IDUA: variants seen among roughly 807,000 people sequenced by gnomAD.
IDUA encodes iduronidase alpha-L-.
Under a neutral mutation model 68.9 loss-of-function variants are expected in IDUA, and 65 were observed. The observed-to-expected ratio is 0.94, with a 90% CI of 0.77 to 1.16. The LOEUF (loss-of-function observed/expected upper bound fraction) is 1.16. IDUA is among the 50% of genes most tolerant of loss of function. The pLI is 0.00. For synonymous variants in IDUA, 529 were observed against 433.6 expected (o/e 1.22, Z -2.73); for missense variants, 1,046 against 938.0 (o/e 1.12, Z -1.50).
At chr4:992,286 C>T in intron 2 of IDUA, 1 of 439,090 alleles carries the variant, frequency 2.3e-6, no homozygotes, top group South Asian at 1.6e-5. Context: ...CTCCCTCCCC[C>T]ATCCAAACCA....
At chr4:988,950 G>C (rs746171950) in intron 2 of IDUA, 1 of 1,596,262 alleles carries the variant, frequency 6.3e-7, no homozygotes, top group Non-Finnish European at 8.5e-7. Flanking sequence ...GGCCCTCCCC[G>C]AGGAAGCCTC....
At chr4:990,480 T>TG in intron 2 of IDUA, 1 of 1,010,096 alleles carries the variant, frequency 9.9e-7, no homozygotes, top group East Asian at 2.6e-5. Context: ...AATTCTGTGT[T>TG]GCGGCCCCGT....
In IDUA at chr4:1,002,484, G is replaced by T. The variant is rs747406598; in HGVS notation, c.1188G>T (p.Leu396=). 3.0e-5 allele frequency: 46 copies of T among 1,533,712 alleles called. No individual in the cohort carries two copies. Among genetic ancestry groups the T allele is most frequent in the Non-Finnish European group, 1.8e-6 (2 of 1,140,086 alleles). ...CGGCCATGGGGCTGCTGGCGCTGCT[G>T]GGTGAGCCGGGGCCGCTGGGGTGGG... ...VLTAMGLLAL[L]DEEQLWAEVS... The change falls in exon 8 of 14, where the codon CTG becomes CTT. Residue 396 remains leucine (L), a splice_region_variant and synonymous_variant. Transcript: ENST00000514224.
intron 2 of IDUA, chr4:989,594 T>G: frequency 1.9e-6 from 3 of 1,601,034 alleles, no homozygotes; most frequent in South Asian, 1.1e-5. Context: ...CCCCGCAGGC[T>G]GACCACGATG....
At chr4:988,616 G>A (rs1395283599) in intron 2 of IDUA, 41 of 1,371,936 alleles carry the variant, frequency 3.0e-5, no homozygotes, top group East Asian at 2.2e-4. Flanking sequence ...AGCCTGTCTC[G>A]GAGGCAGAGG....
rs1400407416 is a variant in IDUA at position 1,001,916 on chromosome 4, G to C, written c.792+35G>C. On this transcript the variant is annotated intron_variant, in intron 6 of 13. Coordinates refer to ENST00000514224, the MANE Select transcript of IDUA (RefSeq NM_000203.5). Reference sequence around the variant, plus strand: ...GCCCCTCCGTCCGCCCCGGTGTTCTGCGCCCTCAGCCGCTGTGCCCCGGGC... The same window carrying C: ...GCCCCTCCGTCCGCCCCGGTGTTCTCCGCCCTCAGCCGCTGTGCCCCGGGC... The C allele has an allele frequency of 3.2e-6, 5 of 1,569,822 alleles. No homozygotes were observed. The South Asian group carries it at 3.5e-5, about 11-fold the overall frequency.
chr4:989,618 C>A (rs751053717), intron 2 of IDUA: 2 of 1,601,804 alleles, frequency 1.2e-6, no homozygotes, highest in Admixed American at 1.7e-5. Context: ...CAGGCCAGCA[C>A]GCTTCGCTGT....
chr4:991,497 C>G, intron 2 of IDUA: 4 of 1,610,216 alleles, frequency 2.5e-6, no homozygotes, highest in Non-Finnish European at 2.5e-6. Flanking sequence ...CGTCGCCTGC[C>G]AGGTACTCCC....
chr4:988,922 C>A, intron 2 of IDUA: 1 of 1,603,386 alleles, frequency 6.2e-7, no homozygotes, highest in Non-Finnish European at 8.5e-7. Flanking sequence ...AGCTGCTCCT[C>A]CTCAGCCGTG....
chr4:988,683 T>C, intron 2 of IDUA: 1 of 1,414,830 alleles, frequency 7.1e-7, no homozygotes, highest in Admixed American at 3.1e-5. Context: ...CCTTTCCCAG[T>C]TGGGGTTCCC....
At position 987,391 on chromosome 4, in the gene IDUA, T is replaced by A. The variant is rs1033465701; in HGVS notation, c.158+149T>A. On this transcript the variant is annotated intron_variant, in intron 1 of 13. Coordinates refer to ENST00000514224, the MANE Select transcript of IDUA (RefSeq NM_000203.5). ...GCCCGCCCCCCGCCGTGTTTGTGGG[T>A]GGGTCCTCCACCTGAGTGGGCGCCG... 4.2e-5 allele frequency: 36 copies of A among 865,928 alleles called. No individual in the cohort carries two copies. In the Admixed American group the frequency reaches 6.1e-4, roughly 15 times the overall value. The allele number at this position is 865,928 out of a possible 1,614,324, so 53.6% of individuals were successfully genotyped here.
At chr4:998,785 C>A (rs1714894800) in intron 2 of IDUA, among the ~76,000 whole-genome samples, 1 of 151,090 alleles carries the variant, frequency 6.6e-6, no homozygotes, top group South Asian at 2.1e-4. Flanking sequence ...ACCCCCCGAC[C>A]CCCCACCTCA....
At chr4:1,001,148 C>G in intron 4 of IDUA, 159 bp downstream of exon 4, 2 of 630,540 alleles carry the variant, frequency 3.2e-6, no homozygotes, top group Non-Finnish European at 5.6e-6. Flanking sequence ...GGTTGGTGGT[C>G]GGCGCAGGCC....
chr4:993,323 G>A (rs574181406), intron 2 of IDUA: 23 of 152,360 alleles, frequency 1.5e-4, no homozygotes, highest in African/African-American at 5.0e-4. Context: ...TCACAGGCGC[G>A]GAGGGCCCTG....
intron 2 of IDUA, among the ~76,000 whole-genome samples, chr4:998,989 G>A (rs1448327863): frequency 6.6e-6 from 1 of 152,034 alleles, no homozygotes; most frequent in Admixed American, 6.6e-5. Context: ...CGGATCACGA[G>A]GTCAGGAAAT....
In IDUA at chr4:1,004,204, G is replaced by A; in HGVS notation, c.1829-56G>A. 6.2e-7 allele frequency: 1 copy of A among 1,610,496 alleles called. No homozygotes were observed. The highest frequency in any genetic ancestry group is 8.5e-7 in the Non-Finnish European group (1 of 1,179,836). Reference sequence around the variant, plus strand: ...GGGGGCCTCGAGAAGCCTGGGGTCAGGGGGCTTTCGGGTGGGGGCAGGTTC... The same window carrying A: ...GGGGGCCTCGAGAAGCCTGGGGTCAAGGGGCTTTCGGGTGGGGGCAGGTTC... On this transcript the variant is annotated intron_variant, in intron 13 of 13. Transcript: ENST00000514224. The surrounding 1 kb of genome is among the most constrained non-coding windows in gnomAD (Gnocchi z 5.0).
chr4:991,102 C>T, intron 2 of IDUA: 1 of 1,519,260 alleles, frequency 6.6e-7, no homozygotes, highest in Non-Finnish European at 8.8e-7. Flanking sequence ...CTGGGCCCCT[C>T]CCTGTGCCCA....
intron 12 of IDUA, 166 bp from the exon 13 acceptor site, chr4:1,003,846 G>A: frequency 3.7e-6 from 3 of 805,448 alleles, no homozygotes; most frequent in South Asian, 2.9e-5. Context: ...GGACATTCGG[G>A]CTCCAGCCCT....
At position 1,001,900 on chromosome 4, in the gene IDUA, T is replaced by G; in HGVS notation, c.792+19T>G. On this transcript the variant is annotated intron_variant, in intron 6 of 13. Transcript: ENST00000514224. Reference sequence around the variant, plus strand: ...CAGGAAGGTGCGCCCTGCCCCTCCGTCCGCCCCGGTGTTCTGCGCCCTCAG... The same window carrying G: ...CAGGAAGGTGCGCCCTGCCCCTCCGGCCGCCCCGGTGTTCTGCGCCCTCAG... 1 of 1,570,802 alleles carries G rather than the reference T, an allele frequency of 6.4e-7. No homozygotes were observed. Among genetic ancestry groups the G allele is most frequent in the South Asian group, 1.2e-5 (1 of 86,082 alleles).
Sources: gnomAD v4.1 joint callset for allele counts (sites outside exome capture counted in the v4.1 genomes callset) on GRCh38, gnomAD v4.1.1 for gene constraint, Gnocchi (gnomAD v3.1) non-coding constraint, MANE v1.5 for transcripts, NCBI Gene and HGNC (gene_info 2026-07-23, HGNC 2026-07-21) for gene names.